DOCK2: variants seen among roughly 807,000 people sequenced by gnomAD.
The protein encoded by DOCK2 is dedicator of cytokinesis 2.
Under a neutral mutation model 248.9 loss-of-function variants are expected in DOCK2, and 87 were observed. The ratio of observed to expected loss-of-function variants is 0.35; its 90% CI spans 0.29 to 0.42. DOCK2 has a LOEUF of 0.42. Ranked by LOEUF, DOCK2 falls within the 10% of genes least tolerant of loss-of-function variation. DOCK2 has a pLI of 1.00. For missense variants in DOCK2, 1,747 were observed against 2,300.2 expected (o/e 0.76, Z 4.92); for synonymous variants, 805 against 821.6 (o/e 0.98, Z 0.35).
rs753850000 is a variant in DOCK2, at chr5:170,077,692, C to A, written c.4867-18C>A. 6.2e-7 allele frequency: 1 copy of A among 1,613,028 alleles called. No individual in the cohort carries two copies. The highest frequency in any genetic ancestry group is 8.5e-7 in the Non-Finnish European group (1 of 1,179,536). On this transcript the variant is annotated intron_variant, in intron 47 of 51. Coordinates refer to ENST00000520908, the MANE Select transcript of DOCK2 (RefSeq NM_004946.3). ...TCCCCAGGCTACAGCTGCTAACCAC[C>A]CTGTTCTCCCACCACAGCCTGACTT...
chr5:169,765,023 T>A (rs1764687037), intron 25 of DOCK2, among the ~76,000 whole-genome samples: 2 of 151,438 alleles, frequency 1.3e-5, no homozygotes, highest in Admixed American at 1.3e-4. Context: ...TTTTGGACAC[T>A]TGACAGCTAT....
chr5:169,814,384 C>T (rs1470935960), intron 26 of DOCK2, among the ~76,000 whole-genome samples: 1 of 152,174 alleles, frequency 6.6e-6, no homozygotes, highest in Admixed American at 6.5e-5. Flanking sequence ...TCCTCTTCAA[C>T]AGTTAAGGTC....
intron 3 of DOCK2, among the ~76,000 whole-genome samples, chr5:169,669,669 T>C (rs191890932): frequency 6.8e-6 from 1 of 146,496 alleles, no homozygotes; most frequent in East Asian, 1.9e-4. Flanking sequence ...GTTTGCAGCA[T>C]TCAGTCATCT....
At chr5:170,051,431 C>G (rs973476903) in intron 41 of DOCK2, among the ~76,000 whole-genome samples, 10 of 152,144 alleles carry the variant, frequency 6.6e-5, no homozygotes, top group African/African-American at 2.4e-4. Context: ...TCTCTGTTCC[C>G]TCTGCTTTGG....
intron 33 of DOCK2, among the ~76,000 whole-genome samples, chr5:170,021,184 C>T (rs1755713007): frequency 6.6e-6 from 1 of 152,140 alleles, no homozygotes; most frequent in African/African-American, 2.4e-5. Flanking sequence ...GAGAAAGAGG[C>T]CGTATCTGAG....
intron 44 of DOCK2, among the ~76,000 whole-genome samples, chr5:170,062,131 G>C (rs1001486918): frequency 3.4e-5 from 5 of 145,096 alleles, no homozygotes; most frequent in Admixed American, 1.3e-4. Context: ...GTGTGTGTGA[G>C]AGAGAGAGAG....
At chr5:169,709,507 C>T (rs1239619654) in intron 15 of DOCK2, among the ~76,000 whole-genome samples, 1 of 152,152 alleles carries the variant, frequency 6.6e-6, no homozygotes, top group East Asian at 1.9e-4. Flanking sequence ...TCGAGACCAG[C>T]CTGGGCAACA....
At chr5:169,858,993 G>A (rs1299925310) in intron 27 of DOCK2, among the ~76,000 whole-genome samples, 2 of 152,326 alleles carry the variant, frequency 1.3e-5, no homozygotes, top group Admixed American at 1.3e-4. Flanking sequence ...CAGCCTGGGT[G>A]ACAGAGTGAG....
chr5:169,790,554 T>A (rs1435453797), intron 25 of DOCK2, among the ~76,000 whole-genome samples: 2 of 152,240 alleles, frequency 1.3e-5, no homozygotes, highest in East Asian at 3.8e-4. Flanking sequence ...TTTGTTTGAA[T>A]GATGCAGATA....
At chr5:169,910,123 C>A (rs1203754370) in intron 27 of DOCK2, among the ~76,000 whole-genome samples, 10 of 152,152 alleles carry the variant, frequency 6.6e-5, no homozygotes, top group African/African-American at 2.4e-4. Context: ...GTTAGCTGAG[C>A]CATATGTTCC....
chr5:169,853,638 A>G (rs1581289327), intron 27 of DOCK2, among the ~76,000 whole-genome samples: 1 of 152,188 alleles, frequency 6.6e-6, no homozygotes, highest in East Asian at 1.9e-4. Context: ...AGGAGGGGAA[A>G]GAAATATGGC....
intron 22 of DOCK2, among the ~76,000 whole-genome samples, chr5:169,735,488 A>G (rs1189713266): frequency 6.6e-6 from 1 of 151,938 alleles, no homozygotes; most frequent in African/African-American, 2.4e-5. Flanking sequence ...CTATCCCTGT[A>G]TTTTCTGGCT....
intron 30 of DOCK2, among the ~76,000 whole-genome samples, chr5:170,003,190 G>A (rs1754901176): frequency 6.6e-6 from 1 of 152,212 alleles, no homozygotes; most frequent in Admixed American, 6.5e-5. Context: ...TATAGTGGAT[G>A]CCTCGTTCTC....
intron 27 of DOCK2, among the ~76,000 whole-genome samples, chr5:169,941,035 G>A (rs1461183571): frequency 6.6e-6 from 1 of 152,212 alleles, no homozygotes; most frequent in Non-Finnish European, 1.5e-5. Flanking sequence ...CTGCCCTCAT[G>A]AAGTGTGCTT....
chr5:169,943,439 T>C (rs1374500990), intron 27 of DOCK2, among the ~76,000 whole-genome samples: 3 of 152,166 alleles, frequency 2.0e-5, no homozygotes, highest in Admixed American at 6.5e-5. Flanking sequence ...ATGTGAATCC[T>C]TTCTAACATT....
chr5:169,661,317 T>C (rs1262305433), intron 2 of DOCK2, among the ~76,000 whole-genome samples: 2 of 152,224 alleles, frequency 1.3e-5, no homozygotes, highest in African/African-American at 2.4e-5. Context: ...AAAAATTTTT[T>C]TAATTGTATA....
At chr5:169,674,486 G>A (rs780547647) in intron 6 of DOCK2, 41 bp downstream of exon 6, 1 of 1,607,668 alleles carries the variant, frequency 6.2e-7, no homozygotes, top group South Asian at 1.1e-5. Context: ...TCTTCCCCCA[G>A]CCATCCTCTT....
chr5:169,996,876 G>C (rs143699948), intron 30 of DOCK2, among the ~76,000 whole-genome samples: 2 of 152,166 alleles, frequency 1.3e-5, no homozygotes, highest in Admixed American at 6.5e-5. Context: ...TTTCCTTGCT[G>C]TAGGGGTGGG....
rs143127058 is a variant in DOCK2 at position 169,829,867 on chromosome 5, A to G, written c.2704-10890A>G. On this transcript the variant is annotated intron_variant, in intron 26 of 51. Transcript: ENST00000520908. ...TTTTTTGTCTAAAGAGCTCCAAGAAAGGAGATTGAGTGGTATAATTTAAGA... is the reference window on the plus strand; with the variant it reads ...TTTTTTGTCTAAAGAGCTCCAAGAAGGGAGATTGAGTGGTATAATTTAAGA... 2.7e-3 allele frequency among the ~76,000 whole-genome samples: 414 copies of G among 152,296 alleles called. 2 individuals carry two copies. The highest frequency in any genetic ancestry group is 9.5e-3 in the African/African-American group (395 of 41,568).
Sources: gnomAD v4.1 joint callset for allele counts (sites outside exome capture counted in the v4.1 genomes callset) on GRCh38, gnomAD v4.1.1 for gene constraint, MANE v1.5 for transcripts, NCBI Gene and HGNC (gene_info 2026-07-23, HGNC 2026-07-21) for gene names.